Variants in ABCA6 observed in about 807,000 individuals in gnomAD.
ABCA6 encodes ATP binding cassette subfamily A member 6.
A neutral mutation model predicts 191.2 loss-of-function variants in ABCA6; 164 were observed. The observed-to-expected ratio is 0.86, with a 90% CI of 0.76 to 0.98. The LOEUF (loss-of-function observed/expected upper bound fraction) is 0.98, where lower values mean the gene tolerates loss of function less well. Ranked by LOEUF, ABCA6 falls within the 50% of genes least tolerant of loss-of-function variation. The probability of loss-of-function intolerance (pLI) is 0.00; values close to 1 mark genes in which losing one functional copy is unlikely to be tolerated. For synonymous variants in ABCA6, 636 were observed against 647.7 expected (o/e 0.98, Z 0.27); for missense variants, 1,958 against 1,894.1 (o/e 1.03, Z -0.63).
At chr17:69,090,410 C>T (rs1719569800) in intron 26 of ABCA6, among the ~76,000 whole-genome samples, 1 of 152,186 alleles carries the variant, frequency 6.6e-6, no homozygotes, top group African/African-American at 2.4e-5. Context: ...CCTTTGCTTT[C>T]CTCTGCAGAA....
intron 15 of ABCA6, chr17:69,112,504 C>A: frequency 2.3e-6 from 1 of 426,250 alleles, no homozygotes; most frequent in Non-Finnish European, 4.2e-6. Flanking sequence ...TCTTTTGCAG[C>A]AACATGGATG....
chr17:69,096,746 C>T lies in ABCA6; in HGVS notation c.3176G>A (p.Cys1059Tyr), dbSNP rs151220283. ...ISGLYTSAYW[C>Y]GQALVDVSFF... ...GCTGACGTCCACTAGTGCCTGCCCA[C>T]ACCAGTAAGCAGAAGTGTAGAGGCC... Residue 1059 changes from cysteine (C) to tyrosine (Y), a missense_variant, in exon 24 of 39, where the codon TGT (cysteine) becomes TAT (tyrosine). Coordinates refer to ENST00000284425, the MANE Select transcript of ABCA6 (RefSeq NM_080284.3). The T allele has an allele frequency of 1.0e-3, 1,588 of 1,583,162 alleles. 2 individuals are homozygous for T. The highest frequency in any genetic ancestry group is 1.2e-3 in the Non-Finnish European group (1,460 of 1,168,722).
chr17:69,117,346 T>C (rs1186536949), intron 11 of ABCA6, among the ~76,000 whole-genome samples: 1 of 152,096 alleles, frequency 6.6e-6, no homozygotes, highest in Non-Finnish European at 1.5e-5. Flanking sequence ...TAGTCCTCCA[T>C]GAAATCTAGC....
At chr17:69,081,699 G>A (rs1359622509) in intron 36 of ABCA6, among the ~76,000 whole-genome samples, 2 of 152,130 alleles carry the variant, frequency 1.3e-5, no homozygotes, top group Non-Finnish European at 2.9e-5. Flanking sequence ...TTATTCTGAA[G>A]GCTTTTTCTA....
Position 69,128,748 on chromosome 17 carries a change from C to A in ABCA6, c.990G>T (p.Leu330Phe), listed in dbSNP as rs747168111. Residue 330 changes from leucine (L) to phenylalanine (F), a missense_variant, in exon 8 of 39, where the codon TTG (leucine) becomes TTT (phenylalanine). By Grantham distance (22) the Leu-to-Phe change is conservative. Coordinates refer to ENST00000284425, the MANE Select transcript of ABCA6 (RefSeq NM_080284.3). ...AAAAGAGGGTAAGGAGAAACACAAC[C>A]AAATTGGTGAGGACAGCTTTCTTTA... ...VLLKKAVLTNLVVFLLTLFWG... is the reference protein window; with the variant it reads ...VLLKKAVLTNFVVFLLTLFWG... 1.2e-6 allele frequency: 2 copies of A among 1,611,656 alleles called. No homozygotes were observed. Among genetic ancestry groups the A allele is most frequent in the Non-Finnish European group, 1.7e-6 (2 of 1,178,678 alleles).
intron 2 of ABCA6, 90 bp downstream of exon 2, chr17:69,140,518 T>C (rs967174787): frequency 3.2e-6 from 2 of 630,184 alleles, no homozygotes; most frequent in African/African-American, 1.9e-5. Flanking sequence ...AAATCCCATC[T>C]ACTAATTAAA....
chr17:69,082,824 T>C, intron 36 of ABCA6, 49 bp downstream of exon 36: 1 of 1,608,252 alleles, frequency 6.2e-7, no homozygotes, highest in East Asian at 2.2e-5. Flanking sequence ...AGGAAACCAC[T>C]GAGTGGATAA....
In ABCA6 at chr17:69,092,696, A is replaced by T. The variant is rs1442761988; in HGVS notation, c.3409-1434T>A. Among the ~76,000 whole-genome samples, 7 of 152,296 alleles carry T rather than the reference A, an allele frequency of 4.6e-5. No homozygotes were observed. The South Asian group carries it at 1.4e-3, about 32-fold the overall frequency. ...TTAACTACTGACTGTGGCTTCACTCAATGATGGAGAAACATTGCCTACACT... is the reference window on the plus strand; with the variant it reads ...TTAACTACTGACTGTGGCTTCACTCTATGATGGAGAAACATTGCCTACACT... On this transcript the variant is annotated intron_variant, in intron 25 of 38. Coordinates refer to ENST00000284425, the MANE Select transcript of ABCA6 (RefSeq NM_080284.3).
At position 69,124,984 on chromosome 17, in the gene ABCA6, C is replaced by T; in HGVS notation, c.1171G>A (p.Gly391Arg). The T allele has an allele frequency of 1.3e-6, 2 of 1,527,140 alleles. No homozygotes were observed. Among genetic ancestry groups the T allele is most frequent in the Non-Finnish European group, 1.8e-6 (2 of 1,131,530 alleles). 94.6% of individuals were successfully genotyped at this position (1,527,140 alleles called of 1,614,324 possible). A position where few individuals can be genotyped will look rare whatever the true frequency, so the allele number is the denominator to read the frequency against. Residue 391 changes from glycine to arginine, a missense_variant, in exon 9 of 39, where the codon GGA (glycine) becomes AGA (arginine). Coordinates refer to ENST00000284425, the MANE Select transcript of ABCA6 (RefSeq NM_080284.3). ...GTTGCTATCATTGTATATGAGTCTC[C>T]TGAAGGGTCAGGAAAAATTACACCA... ...LNGVIFPDPS[G>R]DSYTMIATFS...
intron 20 of ABCA6, chr17:69,104,565 ATT>A (rs145646962): frequency 7.1e-6 from 1 of 140,626 alleles, no homozygotes; most frequent in Admixed American, 7.4e-5. Flanking sequence ...TCTTACTGTG[ATT>A]TTTTTTTTGT....
At chr17:69,087,228 TG>T in intron 29 of ABCA6, 124 bp downstream of exon 29, 1 of 1,247,224 alleles carries the variant, frequency 8.0e-7, no homozygotes, top group Non-Finnish European at 1.1e-6. Flanking sequence ...TGGAGTGTCC[TG>T]GACGCATAAT....
chr17:69,087,614 C>T (rs563204130), intron 28 of ABCA6, 141 bp from the exon 29 acceptor site: 31 of 1,149,870 alleles, frequency 2.7e-5, no homozygotes, highest in African/African-American at 1.7e-4. Flanking sequence ...AATATTGCTT[C>T]TGCTTTTGCC....
rs773766169 is a variant in ABCA6 at position 69,137,478 on chromosome 17, A to G, written c.119T>C (p.Leu40Pro). ...SLLEWGLSIL[L>P]GLCIALFSSS... is the part of the protein sequence containing the mutation. The stretch of plus-strand genomic sequence containing the variant: ...GGAAAACAGAGCAATACACAGTCCT[A>G]GAAGTATTGAGAGGCCCCATTCCTG... The change falls in exon 3 of 39, where the codon CTA becomes CCA. Residue 40 changes from leucine to proline, a missense_variant. Coordinates refer to ENST00000284425, the MANE Select transcript of ABCA6 (RefSeq NM_080284.3). The G allele has an allele frequency of 1.9e-5, 31 of 1,613,030 alleles. No homozygotes were observed. The highest frequency in any genetic ancestry group is 1.3e-4 in the African/African-American group (10 of 74,900).
intron 26 of ABCA6, among the ~76,000 whole-genome samples, chr17:69,089,750 T>C (rs1304512190): frequency 6.6e-6 from 1 of 152,208 alleles, no homozygotes; most frequent in Admixed American, 6.5e-5. Flanking sequence ...AACCTATGTC[T>C]GTTCCTCTCT....
At chr17:69,102,116 C>T (rs576072981) in intron 21 of ABCA6, among the ~76,000 whole-genome samples, 10 of 152,202 alleles carry the variant, frequency 6.6e-5, no homozygotes, top group East Asian at 1.9e-4. Flanking sequence ...GAGGCCAAGG[C>T]GGGAGGATCA....
At chr17:69,090,455 T>C (rs2072899278) in intron 26 of ABCA6, among the ~76,000 whole-genome samples, 1 of 152,228 alleles carries the variant, frequency 6.6e-6, no homozygotes, top group Non-Finnish European at 1.5e-5. Flanking sequence ...CTAATTATTA[T>C]TCATCCTTTA....
At chr17:69,108,031 C>T (rs1322729999) in intron 17 of ABCA6, 2 of 461,390 alleles carry the variant, frequency 4.3e-6, no homozygotes, top group Non-Finnish European at 7.6e-6. Flanking sequence ...CTCACTTCAT[C>T]TTCCATTCTC....
Position 69,085,042 on chromosome 17 carries a change from C to T in ABCA6, c.4170G>A (p.Arg1390=). The T allele has an allele frequency of 1.2e-6, 2 of 1,609,920 alleles. No individual in the cohort carries two copies. The highest frequency in any genetic ancestry group is 1.7e-6 in the Non-Finnish European group (2 of 1,178,986). The part of the protein sequence containing the change: ...AVKGLRKADA[R]LAIARLVSAF... ...CCCGTCTGTACCTTGCGATGGCGAG[C>T]CTCGCGTCCGCTTTCCTGAGCCCCT... is the stretch of plus-strand genomic sequence containing the variant. Residue 1390 remains arginine (R), a synonymous_variant, in exon 32 of 39, where the codon AGG becomes AGA. Transcript: ENST00000284425.
intron 36 of ABCA6, among the ~76,000 whole-genome samples, chr17:69,082,650 C>T (rs1471643967): frequency 6.6e-6 from 1 of 152,142 alleles, no homozygotes; most frequent in Non-Finnish European, 1.5e-5. Flanking sequence ...AGCTGGGGAT[C>T]AGCCTGGGAT....
Sources: gnomAD v4.1 joint callset for allele counts (sites outside exome capture counted in the v4.1 genomes callset) on GRCh38, gnomAD v4.1.1 for gene constraint, MANE v1.5 for transcripts, NCBI Gene and HGNC (gene_info 2026-07-23, HGNC 2026-07-21) for gene names.